The following FAM185A variants were observed in gnomAD, a reference collection of about 807,000 sequenced individuals.
The protein encoded by FAM185A is protein FAM185A.
A neutral mutation model predicts 45.7 loss-of-function variants in FAM185A; 21 were observed. The ratio of observed to expected loss-of-function variants is 0.46; its 90% CI spans 0.33 to 0.66. FAM185A has a LOEUF of 0.66. Among genes scored for constraint, FAM185A ranks in the 30% least tolerant of loss-of-function variants. The pLI, the probability that FAM185A is intolerant of heterozygous loss-of-function variation, is 0.03. For missense variants in FAM185A, 305 were observed against 485.4 expected, an observed-to-expected ratio of 0.63 and a Z score of 3.49; for synonymous variants, 117 against 194.0, an observed-to-expected ratio of 0.60 and a Z score of 3.30.
At chr7:102,767,813 A>T (rs891605733) in intron 4 of FAM185A, among the ~76,000 whole-genome samples, 1 of 149,222 alleles carries the variant, frequency 6.7e-6, no homozygotes. Context: ...CCTGAACGTC[A>T]TCTGTAATGT....
chr7:102,832,481 T>G, the FAM185A span, among the ~76,000 whole-genome samples: 8 of 152,244 alleles, frequency 5.3e-5, no homozygotes, highest in South Asian at 8.3e-4. Flanking sequence ...CACTTTTAGA[T>G]CTAACCTAAC....
intron 7 of FAM185A, among the ~76,000 whole-genome samples, chr7:102,788,262 C>T (rs1347227084): frequency 6.6e-6 from 1 of 152,142 alleles, no homozygotes; most frequent in Non-Finnish European, 1.5e-5. Flanking sequence ...AGCCACTGCG[C>T]CTGGCCAAGG....
chr7:102,843,595 C>T, the FAM185A span, among the ~76,000 whole-genome samples: 4 of 151,236 alleles, frequency 2.6e-5, no homozygotes, highest in African/African-American at 7.3e-5. Flanking sequence ...GCCAACGTGG[C>T]GAAACCCCGT....
downstream of FAM185A, among the ~76,000 whole-genome samples, chr7:102,809,874 CATTA>C (rs1233486284): frequency 3.9e-5 from 6 of 152,118 alleles, no homozygotes; most frequent in Admixed American, 2.0e-4. Flanking sequence ...GCAGATTTCT[CATTA>C]ATTGTTACCA....
chr7:102,788,603 G>C (rs1477317555), intron 7 of FAM185A, among the ~76,000 whole-genome samples: 2 of 152,130 alleles, frequency 1.3e-5, no homozygotes, highest in Non-Finnish European at 2.9e-5. Flanking sequence ...GCCACCTAAT[G>C]GGCAGACTCA....
chr7:102,833,351 TCAGA>T, the FAM185A span, among the ~76,000 whole-genome samples: 1 of 151,952 alleles, frequency 6.6e-6, no homozygotes, highest in Non-Finnish European at 1.5e-5. Flanking sequence ...TTCTTTGGAA[TCAGA>T]CAGACCCGAG....
intron 7 of FAM185A, 68 bp from the exon 8 acceptor site, chr7:102,808,222 A>G: frequency 2.0e-6 from 2 of 999,884 alleles, no homozygotes; most frequent in Non-Finnish European, 3.1e-6. Flanking sequence ...AGTTTCAGAG[A>G]TGTGTTGCTA....
the FAM185A span, among the ~76,000 whole-genome samples, chr7:102,826,753 A>ATATATATG: frequency 1.1e-4 from 12 of 112,254 alleles, no homozygotes; most frequent in Non-Finnish European, 2.0e-4. Flanking sequence ...ATATATATAT[A>ATATATATG]TATATATATA....
downstream of FAM185A, among the ~76,000 whole-genome samples, chr7:102,812,491 G>A (rs1378164566): frequency 1.3e-5 from 2 of 152,158 alleles, no homozygotes; most frequent in Non-Finnish European, 2.9e-5. Context: ...GTTGAGATAA[G>A]TACAGAGTTA....
At chr7:102,818,064 G>A in the FAM185A span, among the ~76,000 whole-genome samples, 3 of 152,354 alleles carry the variant, frequency 2.0e-5, no homozygotes, top group South Asian at 6.2e-4. Context: ...GGTTAGCCCT[G>A]TAGTAACACT....
the FAM185A span, among the ~76,000 whole-genome samples, chr7:102,815,653 A>T: frequency 6.6e-6 from 1 of 152,286 alleles, no homozygotes; most frequent in South Asian, 2.1e-4. Context: ...TAGGAAAAGG[A>T]AATGCTTGTT....
the FAM185A span, among the ~76,000 whole-genome samples, chr7:102,828,397 C>T: frequency 1.3e-5 from 2 of 152,116 alleles, no homozygotes; most frequent in Non-Finnish European, 2.9e-5. Context: ...AATTGATTTT[C>T]CTTATGGTCA....
downstream of FAM185A, among the ~76,000 whole-genome samples, chr7:102,812,201 C>T (rs1443772623): frequency 6.6e-6 from 1 of 152,152 alleles, no homozygotes; most frequent in Non-Finnish European, 1.5e-5. Flanking sequence ...TACATAATAT[C>T]AAATAATGGT....
chr7:102,822,669 C>T, the FAM185A span, among the ~76,000 whole-genome samples: 6 of 152,216 alleles, frequency 3.9e-5, no homozygotes, highest in African/African-American at 1.4e-4. Context: ...CTTGCATATT[C>T]TCTTTCACCC....
chr7:102,826,767 A>ATG, the FAM185A span, among the ~76,000 whole-genome samples: 1 of 112,848 alleles, frequency 8.9e-6, no homozygotes, highest in African/African-American at 3.8e-5. Flanking sequence ...ATATATATAT[A>ATG]TATATGTATA....
chr7:102,823,670 T>C, the FAM185A span, among the ~76,000 whole-genome samples: 1 of 152,366 alleles, frequency 6.6e-6, no homozygotes, highest in East Asian at 1.9e-4. Context: ...GGAATTTTTT[T>C]CCAACTGGAT....
intron 7 of FAM185A, among the ~76,000 whole-genome samples, chr7:102,792,327 T>G (rs1170131722): frequency 7.0e-6 from 1 of 142,250 alleles, no homozygotes; most frequent in African/African-American, 2.7e-5. Flanking sequence ...GCTGAAACAT[T>G]TACCTACTAA....
intron 6 of FAM185A, among the ~76,000 whole-genome samples, chr7:102,783,296 A>C (rs1255235499): frequency 6.6e-6 from 1 of 152,140 alleles, no homozygotes; most frequent in Non-Finnish European, 1.5e-5. Context: ...TGCACCAAGC[A>C]GACCTAATAG....
chr7:102,781,012 A>G (rs1178279978), intron 6 of FAM185A, among the ~76,000 whole-genome samples: 1 of 152,224 alleles, frequency 6.6e-6, no homozygotes, highest in Non-Finnish European at 1.5e-5. Context: ...CCAGGAGATT[A>G]TATCCCACGC....
Sources: gnomAD v4.1 joint callset for allele counts (sites outside exome capture counted in the v4.1 genomes callset) on GRCh38, gnomAD v4.1.1 for gene constraint, MANE v1.5 for transcripts, NCBI Gene and HGNC (gene_info 2026-07-23, HGNC 2026-07-21) for gene names.